Variants in FAT4 observed in about 807,000 individuals in gnomAD.
The protein encoded by FAT4 is protocadherin Fat 4.
A neutral mutation model predicts 303.9 loss-of-function variants in FAT4; 84 were observed. That is an observed-to-expected ratio of 0.28 (90% CI 0.23 to 0.33). The LOEUF is 0.33. FAT4 is among the 10% of genes least tolerant of loss of function. The pLI is 1.00. For missense variants in FAT4, 6,005 were observed against 6,146.8 expected, an observed-to-expected ratio of 0.98 and a Z score of 0.77; for synonymous variants, 2,307 against 2,298.8, an observed-to-expected ratio of 1.00 and a Z score of -0.10.
chr4:125,322,930 A>T (rs1731012326), intron 2 of FAT4, among the ~76,000 whole-genome samples: 1 of 152,080 alleles, frequency 6.6e-6, no homozygotes, highest in South Asian at 2.1e-4. Flanking sequence ...CTAATTATTT[A>T]AAAAATATTT....
Position 125,414,898 on chromosome 4 carries a change from T to C in FAT4, c.5935T>C (p.Leu1979=). 6.3e-7 allele frequency: 1 copy of C among 1,588,008 alleles called. No individual in the cohort carries two copies. Among genetic ancestry groups the C allele is most frequent in the South Asian group, 1.1e-5 (1 of 88,770 alleles). Residue 1979 remains leucine (L), a synonymous_variant, in exon 6 of 18, where the codon TTG becomes CTG. Coordinates refer to ENST00000394329, the MANE Select transcript of FAT4 (RefSeq NM_001291303.3). ...TTTAATTTCAGGCATCAACTCTCAA[T>C]TGACTTATAGCATTGCTTCAGGTGA... ...TDADDGINSQ[L]TYSIASGDSL...
chr4:125,441,722 A>G (rs1384559089), intron 8 of FAT4, among the ~76,000 whole-genome samples: 6 of 152,148 alleles, frequency 3.9e-5, no homozygotes, highest in African/African-American at 1.4e-4. Context: ...CAGTTTGCCT[A>G]TGGTATAACC....
At chr4:125,391,398 C>T (rs1733972366) in intron 2 of FAT4, among the ~76,000 whole-genome samples, 1 of 152,142 alleles carries the variant, frequency 6.6e-6, no homozygotes, top group Non-Finnish European at 1.5e-5. Context: ...AGCCGTCATC[C>T]TCAGCAAACT....
intron 2 of FAT4, among the ~76,000 whole-genome samples, chr4:125,373,474 C>A (rs1430524444): frequency 6.6e-6 from 1 of 152,046 alleles, no homozygotes; most frequent in East Asian, 1.9e-4. Context: ...CTAATAAATG[C>A]TCCTTCTAGT....
intron 2 of FAT4, among the ~76,000 whole-genome samples, chr4:125,338,865 A>C (rs1731669319): frequency 1.3e-5 from 2 of 152,324 alleles, no homozygotes; most frequent in Admixed American, 1.3e-4. Context: ...TGTTTTTAAA[A>C]TACTGAATAT....
rs758045956 is a variant in FAT4 at position 125,407,040 on chromosome 4, C to T, written c.5468C>T (p.Ser1823Leu). ...LVRADDGLQS[S>L]DMRINITVSD... ...CGTGCTGATGATGGTCTTCAGTCCT[C>T]GGATATGAGAATTAATATCACTGTC... Residue 1823 changes from serine to leucine, a missense_variant, in exon 4 of 18, where the codon TCG (serine) becomes TTG (leucine). Ser to Leu is a moderately radical substitution (Grantham distance 145). Transcript: ENST00000394329. The T allele has an allele frequency of 1.1e-5, 18 of 1,613,612 alleles. No homozygotes were observed. The highest frequency in any genetic ancestry group is 5.0e-5 in the Admixed American group (3 of 59,942).
chr4:125,334,946 T>C, intron 2 of FAT4, among the ~76,000 whole-genome samples: 1 of 152,160 alleles, frequency 6.6e-6, no homozygotes, highest in South Asian at 2.1e-4. Context: ...TTACTTCACA[T>C]AATAAAATAG....
rs758731179 is a variant in FAT4, at chr4:125,319,240, T to A, written c.2829T>A (p.Asn943Lys). 23 of 1,614,180 alleles carry A rather than the reference T, an allele frequency of 1.4e-5. No individual in the cohort carries two copies. The highest frequency in any genetic ancestry group is 1.9e-5 in the Non-Finnish European group (22 of 1,180,026). ...ACCCCAAGAACCTGTTTGCTATCAA[T>A]GAAAAGAATGGCACTATTAGTCTGC... ...KQNPKNLFAI[N>K]EKNGTISLLG... The change falls in exon 2 of 18, where the codon AAT becomes AAA. Residue 943 changes from asparagine to lysine, a missense_variant. Asn to Lys is a moderately conservative substitution (Grantham distance 94). Coordinates refer to ENST00000394329, the MANE Select transcript of FAT4 (RefSeq NM_001291303.3).
At chr4:125,413,548 T>C (rs1166230997) in intron 5 of FAT4, among the ~76,000 whole-genome samples, 1 of 151,858 alleles carries the variant, frequency 6.6e-6, no homozygotes, top group Non-Finnish European at 1.5e-5. Flanking sequence ...TAAATATTTT[T>C]CCCATGTTTC....
At chr4:125,428,179 T>G (rs1725155381) in intron 7 of FAT4, among the ~76,000 whole-genome samples, 1 of 151,808 alleles carries the variant, frequency 6.6e-6, no homozygotes, top group Non-Finnish European at 1.5e-5. Context: ...ATGCCTGTAA[T>G]CCCAGCTACT....
In FAT4 at chr4:125,415,003, T is replaced by C. The variant is rs1177245891; in HGVS notation, c.6040T>C (p.Tyr2014His). ...TTTGGATCGGGAAAGTCAGTCCTTC[T>C]ACAACTTGGTTGTTCAAGTGCATGA... is the stretch of plus-strand genomic sequence containing the variant. The part of the protein sequence containing the change: ...KALDRESQSF[Y>H]NLVVQVHDLP... Residue 2014 changes from tyrosine (Y) to histidine (H), a missense_variant, in exon 6 of 18, where the codon TAC (tyrosine) becomes CAC (histidine). By Grantham distance (83) the Tyr-to-His change is moderately conservative (BLOSUM62 2). Coordinates refer to ENST00000394329, the MANE Select transcript of FAT4 (RefSeq NM_001291303.3). 1 of 1,614,088 alleles carries C rather than the reference T, an allele frequency of 6.2e-7. No homozygotes were observed. The highest frequency in any genetic ancestry group is 1.7e-5 in the Admixed American group (1 of 60,004).
intron 7 of FAT4, among the ~76,000 whole-genome samples, chr4:125,433,688 T>C (rs1443895867): frequency 1.3e-5 from 2 of 152,234 alleles, no homozygotes; most frequent in African/African-American, 4.8e-5. Context: ...ATGAAGTTAT[T>C]CTAGCACGTA....
intron 2 of FAT4, among the ~76,000 whole-genome samples, chr4:125,327,942 A>G (rs1731220908): frequency 6.6e-6 from 1 of 152,198 alleles, no homozygotes; most frequent in Non-Finnish European, 1.5e-5. Flanking sequence ...TAGTGACTGT[A>G]GCAAACTGCA....
At chr4:125,418,880 C>A (rs1348708302) in intron 7 of FAT4, among the ~76,000 whole-genome samples, 1 of 107,144 alleles carries the variant, frequency 9.3e-6, no homozygotes, top group East Asian at 2.8e-4. Flanking sequence ...GTTTGCCTTA[C>A]CATTTTCTCA....
chr4:125,351,506 T>C (rs185745405), intron 2 of FAT4, among the ~76,000 whole-genome samples: 3 of 151,866 alleles, frequency 2.0e-5, no homozygotes, highest in East Asian at 3.9e-4. Context: ...AGTCACATTA[T>C]TTGTATCAGC....
intron 2 of FAT4, among the ~76,000 whole-genome samples, chr4:125,350,834 T>C (rs188401969): frequency 6.6e-6 from 1 of 151,786 alleles, no homozygotes; most frequent in Non-Finnish European, 1.5e-5. Flanking sequence ...CAGAAAGATT[T>C]CTGAGTATCT....
In FAT4 at chr4:125,416,147, G is replaced by A. The variant is rs148367927; in HGVS notation, c.6844-301G>A. On this transcript the variant is annotated intron_variant, in intron 6 of 17. Transcript: ENST00000394329. ...AAATGATGGAAATGTTTGAAACTTC[G>A]TTATAAATATTGTTCTACTCTTTTC... Among the ~76,000 whole-genome samples the A allele has an allele frequency of 3.8e-3, 580 of 152,228 alleles. 4 individuals carry two copies. The highest frequency in any genetic ancestry group is 8.7e-3 in the Admixed American group (133 of 15,272).
chr4:125,464,503 C>T (rs1339969328), intron 11 of FAT4, among the ~76,000 whole-genome samples: 4 of 150,710 alleles, frequency 2.7e-5, no homozygotes, highest in Non-Finnish European at 5.9e-5. Context: ...TTTTTTTGTC[C>T]CCTTTGTATA....
intron 2 of FAT4, among the ~76,000 whole-genome samples, chr4:125,325,685 A>G (rs1353715588): frequency 2.0e-5 from 3 of 152,220 alleles, no homozygotes; most frequent in Admixed American, 6.5e-5. Flanking sequence ...ATCAAAGTTG[A>G]GTCTAGATTT....
Sources: gnomAD v4.1 joint callset for allele counts (sites outside exome capture counted in the v4.1 genomes callset) on GRCh38, gnomAD v4.1.1 for gene constraint, MANE v1.5 for transcripts, NCBI Gene and HGNC (gene_info 2026-07-23, HGNC 2026-07-21) for gene names.